SLC7A2: variants seen among roughly 807,000 people sequenced by gnomAD.
SLC7A2 encodes solute carrier family 7 member 2, also known as cationic amino acid transporter 2.
A neutral mutation model predicts 58.9 loss-of-function variants in SLC7A2; 48 were observed. The observed-to-expected ratio is 0.82, with a 90% CI of 0.65 to 1.04. SLC7A2 has a LOEUF of 1.04. Among genes scored for constraint, SLC7A2 ranks in the 50% least tolerant of loss-of-function variants. The probability of loss-of-function intolerance (pLI) is 0.00; values close to 1 mark genes in which losing one functional copy is unlikely to be tolerated. For missense variants in SLC7A2, 1,029 were observed against 818.8 expected (o/e 1.26, Z -3.13); for synonymous variants, 363 against 314.5 (o/e 1.15, Z -1.63).
intron 2 of SLC7A2, among the ~76,000 whole-genome samples, chr8:17,530,734 G>A (rs1249556743): frequency 6.6e-6 from 1 of 151,926 alleles, no homozygotes; most frequent in Non-Finnish European, 1.5e-5. Context: ...CACCATGCCT[G>A]GCTAATTTTT....
At chr8:17,550,262 G>A (rs745536482) in intron 5 of SLC7A2, 39 bp from the exon 6 acceptor site, 2 of 1,601,558 alleles carry the variant, frequency 1.2e-6, no homozygotes, top group Admixed American at 3.4e-5. Context: ...AGAGTTTTCT[G>A]TCAAAGTGAC....
rs1398387358 is a variant in SLC7A2, at chr8:17,569,716, G to A, written c.*4570G>A. 6.6e-6 allele frequency: 1 copy of A among 152,144 alleles called. No homozygotes were observed. Among genetic ancestry groups the A allele is most frequent in the South Asian group, 2.1e-4 (1 of 4,836 alleles). 9.4% of individuals were successfully genotyped at this position (152,144 alleles called of 1,614,324 possible). On this transcript the variant is annotated 3_prime_UTR_variant, in exon 13 of 13. Coordinates refer to ENST00000494857, the MANE Select transcript of SLC7A2 (RefSeq NM_001370338.1). Reference sequence around the variant, plus strand: ...GTCTTACTGATTTCAAATGCATTTTGTTATTGCTCAACCCAACTGGTAACA... The same window carrying A: ...GTCTTACTGATTTCAAATGCATTTTATTATTGCTCAACCCAACTGGTAACA...
chr8:17,517,959 T>A (rs2588212), intron 2 of SLC7A2, among the ~76,000 whole-genome samples: 120,621 of 152,036 alleles, frequency 0.79, 48,174 homozygotes, highest in African/African-American at 0.81. Flanking sequence ...TTGAAAAGTT[T>A]CTTAACATCT....
At chr8:17,563,175 A>G (rs945374595) in intron 11 of SLC7A2, among the ~76,000 whole-genome samples, 2 of 152,104 alleles carry the variant, frequency 1.3e-5, no homozygotes, top group Admixed American at 6.5e-5. Context: ...TGAACATTAA[A>G]AAGATAAGCT....
At chr8:17,550,528 G>A in intron 6 of SLC7A2, 94 bp downstream of exon 6, 2 of 1,229,556 alleles carry the variant, frequency 1.6e-6, no homozygotes, top group South Asian at 1.6e-5. Flanking sequence ...AAAGAGAGAG[G>A]GATTTCGGGT....
At chr8:17,502,859 G>A (rs2150643820) in intron 2 of SLC7A2, among the ~76,000 whole-genome samples, 1 of 152,104 alleles carries the variant, frequency 6.6e-6, no homozygotes, top group East Asian at 1.9e-4. Context: ...TCTTACATGG[G>A]CAGTAAATAG....
Position 17,560,515 on chromosome 8 carries a change from T to C in SLC7A2, c.1486T>C (p.Phe496Leu). Residue 496 changes from phenylalanine (F) to leucine (L), a missense_variant, in exon 10 of 13, where the codon TTT (phenylalanine) becomes CTT (leucine). Phe to Leu is a conservative substitution (Grantham distance 22, BLOSUM62 0). Transcript: ENST00000494857. Reference sequence around the variant, plus strand: ...ACAGCAGTCAGCTTCTCTCGTGAGCTTTCTGGTAGGATTCCTAGGTAAGTC... The same window carrying C: ...ACAGCAGTCAGCTTCTCTCGTGAGCCTTCTGGTAGGATTCCTAGGTAAGTC... ...PTQQSASLVS[F>L]LVGFLAFLVL... 2 of 1,613,854 alleles carry C rather than the reference T, an allele frequency of 1.2e-6. No homozygotes were observed. The highest frequency in any genetic ancestry group is 2.2e-5 in the East Asian group (1 of 44,882).
intron 2 of SLC7A2, among the ~76,000 whole-genome samples, chr8:17,529,836 C>T (rs1801369953): frequency 6.6e-6 from 1 of 151,884 alleles, no homozygotes; most frequent in Non-Finnish European, 1.5e-5. Flanking sequence ...CACGCCTGGC[C>T]CAGAGGGACA....
In SLC7A2 at chr8:17,561,803, A is replaced by C; in HGVS notation, c.1505-141A>C. On this transcript the variant is annotated intron_variant, in intron 10 of 12. Coordinates refer to ENST00000494857, the MANE Select transcript of SLC7A2 (RefSeq NM_001370338.1). Reference sequence around the variant, plus strand: ...TCTCTCTCCTCAATGAAAAAGAAGAAAGGGCAAGGCGAAGACTCTTTGTAT... The same window carrying C: ...TCTCTCTCCTCAATGAAAAAGAAGACAGGGCAAGGCGAAGACTCTTTGTAT... 8.2e-6 allele frequency: 6 copies of C among 734,282 alleles called. No individual in the cohort carries two copies. In the South Asian group the frequency reaches 1.2e-4, roughly 15 times the overall value. The allele number at this position is 734,282 out of a possible 1,614,324, so 45.5% of individuals were successfully genotyped here.
chr8:17,562,147 ATTCATT>A (rs1554544501), intron 11 of SLC7A2, 37 bp downstream of exon 11: 1 of 1,199,526 alleles, frequency 8.3e-7, no homozygotes, highest in African/African-American at 2.0e-5. Flanking sequence ...AAAATACTGT[ATTCATT>A]TTCTCTGTAT....
intron 2 of SLC7A2, among the ~76,000 whole-genome samples, chr8:17,527,151 A>G (rs1220348631): frequency 1.3e-5 from 2 of 152,240 alleles, no homozygotes; most frequent in East Asian, 3.8e-4. Context: ...TGCATGATTG[A>G]CAGACTTGTG....
At chr8:17,551,182 G>C (rs1585252894) in intron 6 of SLC7A2, among the ~76,000 whole-genome samples, 1 of 152,232 alleles carries the variant, frequency 6.6e-6, no homozygotes, top group East Asian at 1.9e-4. Context: ...TTGGTTGGTT[G>C]GTTGGTTTTT....
At position 17,558,311 on chromosome 8, in the gene SLC7A2, G is replaced by T. The variant is rs867648765; in HGVS notation, c.1212G>T (p.Leu404=). 1 of 1,612,774 alleles carries T rather than the reference G, an allele frequency of 6.2e-7. No individual in the cohort carries two copies. The highest frequency in any genetic ancestry group is 2.2e-5 in the East Asian group (1 of 44,852). Residue 404 remains leucine (L), a synonymous_variant, in exon 9 of 13, where the codon CTG becomes CTT. Coordinates refer to ENST00000494857, the MANE Select transcript of SLC7A2 (RefSeq NM_001370338.1). ...TCCCCCTAGCTTTGATGGCCTTTCT[G>T]TTTGACCTGAAGGCGCTTGTGGACA... ...SGAVAALMAF[L]FDLKALVDMM... is the part of the protein sequence containing the mutation.
At position 17,539,044 on chromosome 8, in the gene SLC7A2, T is replaced by C. The variant is rs991864360; in HGVS notation, c.-22-4274T>C. ...AGTGACTCAATGCAACTTCAAACTT[T>C]TGAACTAAAGTGAAAATCCAGGATC... On this transcript the variant is annotated intron_variant, in intron 2 of 12. Coordinates refer to ENST00000494857, the MANE Select transcript of SLC7A2 (RefSeq NM_001370338.1). 8 of 818,390 alleles carry C rather than the reference T, an allele frequency of 9.8e-6. No individual in the cohort carries two copies. In the Admixed American group the frequency reaches 9.9e-5, roughly 10 times the overall value. The allele number at this position is 818,390 out of a possible 1,614,324, so 50.7% of individuals were successfully genotyped here. A position where few individuals can be genotyped will look rare whatever the true frequency, so the allele number is the denominator to read the frequency against.
At chr8:17,501,832 G>A (rs920484399) in intron 1 of SLC7A2, among the ~76,000 whole-genome samples, 10 of 151,508 alleles carry the variant, frequency 6.6e-5, no homozygotes, top group African/African-American at 2.4e-4. Flanking sequence ...ATTCAGTATC[G>A]GGAAGGCGAG....
At chr8:17,536,661 G>A (rs1018047886) in intron 2 of SLC7A2, among the ~76,000 whole-genome samples, 7 of 152,156 alleles carry the variant, frequency 4.6e-5, no homozygotes, top group South Asian at 2.1e-4. Flanking sequence ...TTTAAGTACG[G>A]TATTGGAAAG....
chr8:17,497,802 T>C (rs1177275990), intron 1 of SLC7A2, among the ~76,000 whole-genome samples: 5 of 152,318 alleles, frequency 3.3e-5, no homozygotes, highest in African/African-American at 4.8e-5. Context: ...GGTGTTTGTA[T>C]TGGGTATTTT....
At chr8:17,563,468 C>G in intron 11 of SLC7A2, 135 bp from the exon 12 acceptor site, 1 of 624,292 alleles carries the variant, frequency 1.6e-6, no homozygotes, top group Non-Finnish European at 2.9e-6. Flanking sequence ...TTTATGGTCT[C>G]TAGAAGCGTG....
chr8:17,498,906 T>C (rs993976294), intron 1 of SLC7A2: 1 of 152,238 alleles, frequency 6.6e-6, no homozygotes, highest in Non-Finnish European at 1.5e-5. Context: ...GCTGTGGCAG[T>C]TTAAAAAGCC....
Sources: gnomAD v4.1 joint callset for allele counts (sites outside exome capture counted in the v4.1 genomes callset) on GRCh38, gnomAD v4.1.1 for gene constraint, MANE v1.5 for transcripts, NCBI Gene and HGNC (gene_info 2026-07-23, HGNC 2026-07-21) for gene names.